GRIK1: variants seen among roughly 807,000 people sequenced by gnomAD.
The protein encoded by GRIK1 is glutamate receptor ionotropic, kainate 1.
Under a neutral mutation model 105.7 loss-of-function variants are expected in GRIK1, and 69 were observed. That is an observed-to-expected ratio of 0.65 (90% CI 0.54 to 0.80). The LOEUF (loss-of-function observed/expected upper bound fraction) is 0.80, where lower values mean the gene tolerates loss of function less well. Among genes scored for constraint, GRIK1 ranks in the 30% least tolerant of loss-of-function variants. The pLI, the probability that GRIK1 is intolerant of heterozygous loss-of-function variation, is 0.00. For missense variants in GRIK1, 1,109 were observed against 1,167.3 expected (o/e 0.95, Z 0.73); for synonymous variants, 438 against 431.3 (o/e 1.02, Z -0.19).
chr21:29,603,075 T>A (rs1320088251), intron 7 of GRIK1, among the ~76,000 whole-genome samples: 1 of 152,032 alleles, frequency 6.6e-6, no homozygotes, highest in Non-Finnish European at 1.5e-5. Flanking sequence ...TTAATGAAAA[T>A]AGTTCCACAG....
At chr21:29,730,412 C>G (rs2064585076) in intron 1 of GRIK1, among the ~76,000 whole-genome samples, 1 of 152,028 alleles carries the variant, frequency 6.6e-6, no homozygotes, top group Non-Finnish European at 1.5e-5. Flanking sequence ...CTTTTTAAAC[C>G]AAAGTATTTA....
intron 1 of GRIK1, among the ~76,000 whole-genome samples, chr21:29,859,235 A>C (rs900071780): frequency 1.3e-5 from 2 of 151,660 alleles, no homozygotes; most frequent in Admixed American, 1.3e-4. Context: ...GGAGGGAGGG[A>C]TAGCATTAGA....
chr21:29,797,587 T>A (rs1263479436), intron 1 of GRIK1, among the ~76,000 whole-genome samples: 1 of 152,242 alleles, frequency 6.6e-6, no homozygotes, highest in Non-Finnish European at 1.5e-5. Context: ...CCTCGTAATT[T>A]ATTTATAGTT....
intron 1 of GRIK1, among the ~76,000 whole-genome samples, chr21:29,712,869 A>G (rs1409131386): frequency 6.6e-6 from 1 of 151,396 alleles, no homozygotes; most frequent in African/African-American, 2.4e-5. Flanking sequence ...AATTCAATCT[A>G]TCTTCTCATA....
chr21:29,821,054 C>T (rs1308696094), intron 1 of GRIK1, among the ~76,000 whole-genome samples: 2 of 126,424 alleles, frequency 1.6e-5, no homozygotes, highest in Non-Finnish European at 3.7e-5. Flanking sequence ...TCCCAACACA[C>T]AGTAAAAAAA....
chr21:29,906,929 C>A (rs1489932172), intron 1 of GRIK1, among the ~76,000 whole-genome samples: 1 of 151,782 alleles, frequency 6.6e-6, no homozygotes, highest in South Asian at 2.1e-4. Context: ...GCATTTAAAA[C>A]TGAACAAACA....
At chr21:29,755,728 A>T (rs969373237) in intron 1 of GRIK1, among the ~76,000 whole-genome samples, 1 of 152,160 alleles carries the variant, frequency 6.6e-6, no homozygotes, top group Non-Finnish European at 1.5e-5. Context: ...AAAAAATAGG[A>T]AGAGCTTAGG....
chr21:29,608,318 T>C (rs1273608894), intron 7 of GRIK1, among the ~76,000 whole-genome samples: 1 of 152,086 alleles, frequency 6.6e-6, no homozygotes, highest in Non-Finnish European at 1.5e-5. Flanking sequence ...TGAAACAGTA[T>C]AGTGAATGGC....
chr21:29,645,308 G>A (rs909771113), intron 6 of GRIK1, among the ~76,000 whole-genome samples: 5 of 152,166 alleles, frequency 3.3e-5, no homozygotes, highest in Admixed American at 6.5e-5. Flanking sequence ...CATGACCATA[G>A]CCACATGCTA....
intron 16 of GRIK1, among the ~76,000 whole-genome samples, chr21:29,538,550 C>T (rs1398987322): frequency 5.3e-5 from 8 of 151,602 alleles, no homozygotes; most frequent in African/African-American, 1.9e-4. Flanking sequence ...CATTTTTAAG[C>T]GGTTAGATCT....
At chr21:29,877,346 G>A (rs181756519) in intron 1 of GRIK1, among the ~76,000 whole-genome samples, 86 of 152,102 alleles carry the variant, frequency 5.7e-4, no homozygotes, top group Non-Finnish European at 9.3e-4. Flanking sequence ...GGATTAATGA[G>A]GAAATGTTTC....
chr21:29,640,956 G>T (rs928465850), intron 7 of GRIK1, among the ~76,000 whole-genome samples: 1 of 152,166 alleles, frequency 6.6e-6, no homozygotes, highest in Non-Finnish European at 1.5e-5. Context: ...TTGCCAGTTT[G>T]AAATTCCTGG....
intron 7 of GRIK1, among the ~76,000 whole-genome samples, chr21:29,638,886 T>A (rs1014216932): frequency 3.3e-5 from 5 of 152,202 alleles, no homozygotes; most frequent in African/African-American, 1.2e-4. Flanking sequence ...AAATATGTAA[T>A]CCCTACAAAC....
At position 29,651,149 on chromosome 21, in the gene GRIK1, G is replaced by A. The variant is rs1321239388; in HGVS notation, c.923C>T (p.Pro308Leu). 7 of 1,612,284 alleles carry A rather than the reference G, an allele frequency of 4.3e-6. No homozygotes were observed. Among genetic ancestry groups the A allele is most frequent in the South Asian group, 1.1e-5 (1 of 90,668 alleles). The change falls in exon 6 of 18, where the codon CCC becomes CTC. Residue 308 changes from proline (P) to leucine (L), a missense_variant. By Grantham distance (98) the Pro-to-Leu change is moderately conservative (BLOSUM62 -3). This residue lies in a region of GRIK1 where 612 missense variants were observed against 586.0 expected (regional missense o/e 1.04). Transcript: ENST00000327783. ...CATGCCATCCAAAAGGCCAGTCTCGGGCCTGGGTGGGGCCTGCAGTCTCTC... is the reference window on the plus strand; with the variant it reads ...CATGCCATCCAAAAGGCCAGTCTCGAGCCTGGGTGGGGCCTGCAGTCTCTC... Reference protein sequence around the residue: ...SMERLQAPPRPETGLLDGMMT... With the variant: ...SMERLQAPPRLETGLLDGMMT...
chr21:29,710,795 CCTTCCTTCCT>C (rs2064030153), intron 1 of GRIK1, among the ~76,000 whole-genome samples: 4 of 13,050 alleles, frequency 3.1e-4, no homozygotes, highest in African/African-American at 1.9e-4. Flanking sequence ...CTCCCTCCTT[CCTTCCTTCCT>C]TCCTTCCTTC....
intron 7 of GRIK1, among the ~76,000 whole-genome samples, chr21:29,622,267 C>T (rs550478683): frequency 6.6e-6 from 1 of 152,138 alleles, no homozygotes; most frequent in Non-Finnish European, 1.5e-5. Context: ...TTTTCTTGCT[C>T]AAAGAATCCT....
At chr21:29,685,232 C>T (rs1282531901) in intron 3 of GRIK1, among the ~76,000 whole-genome samples, 1 of 152,146 alleles carries the variant, frequency 6.6e-6, no homozygotes, top group Non-Finnish European at 1.5e-5. Context: ...ATTTAGATCT[C>T]AGGAAAAGGC....
At chr21:29,617,165 T>TA (rs1013265898) in intron 7 of GRIK1, among the ~76,000 whole-genome samples, 2 of 152,214 alleles carry the variant, frequency 1.3e-5, no homozygotes, top group African/African-American at 4.8e-5. Context: ...ACCAAGGCAT[T>TA]AAAAAGAAAC....
intron 1 of GRIK1, among the ~76,000 whole-genome samples, chr21:29,769,008 AATT>A (rs1407872063): frequency 3.3e-5 from 5 of 152,096 alleles, no homozygotes; most frequent in Non-Finnish European, 5.9e-5. Flanking sequence ...ACAATCAATC[AATT>A]ATTGTTGTTC....
Sources: allele counts gnomAD v4.1 joint callset (sites outside exome capture counted in the v4.1 genomes callset), GRCh38; gene constraint gnomAD v4.1.1; regional missense constraint gnomAD v4.1.1; transcripts MANE v1.5; gene names NCBI Gene and HGNC (gene_info 2026-07-23, HGNC 2026-07-21).